The following CADPS2 variants were observed in gnomAD, a reference collection of about 807,000 sequenced individuals.
CADPS2 encodes calcium dependent secretion activator 2.
Under a neutral mutation model 172.5 loss-of-function variants are expected in CADPS2, and 93 were observed. That is an observed-to-expected ratio of 0.54 (90% CI 0.46 to 0.64). The LOEUF is 0.64. Among genes scored for constraint, CADPS2 ranks in the 30% least tolerant of loss-of-function variants. CADPS2 has a pLI of 0.00. For synonymous variants in CADPS2, 546 were observed against 555.2 expected, an observed-to-expected ratio of 0.98 and a Z score of 0.23; for missense variants, 1,420 against 1,565.9, an observed-to-expected ratio of 0.91 and a Z score of 1.57.
chr7:122,703,777 T>C (rs1476602703), intron 2 of CADPS2, among the ~76,000 whole-genome samples: 9 of 151,980 alleles, frequency 5.9e-5, no homozygotes, highest in Non-Finnish European at 1.2e-4. Context: ...CAAAAGAAGA[T>C]AGTGGCTTGG....
intron 27 of CADPS2, among the ~76,000 whole-genome samples, chr7:122,349,746 C>G (rs2038243539): frequency 6.6e-6 from 1 of 152,096 alleles, no homozygotes; most frequent in African/African-American, 2.4e-5. Flanking sequence ...GATGAACACG[C>G]TGTTTAAAGA....
chr7:122,854,001 T>C (rs970680142), intron 1 of CADPS2, among the ~76,000 whole-genome samples: 8 of 152,134 alleles, frequency 5.3e-5, no homozygotes, highest in Non-Finnish European at 1.2e-4. Flanking sequence ...CCTACAGCAA[T>C]TCGTTAACAC....
intron 6 of CADPS2, among the ~76,000 whole-genome samples, chr7:122,613,281 T>C (rs6946973): frequency 6.6e-6 from 1 of 152,088 alleles, no homozygotes; most frequent in East Asian, 1.9e-4. Flanking sequence ...ATATATGATG[T>C]GGGCCTAGTA....
At chr7:122,465,614 G>A (rs917341020) in intron 14 of CADPS2, among the ~76,000 whole-genome samples, 5 of 152,170 alleles carry the variant, frequency 3.3e-5, no homozygotes, top group African/African-American at 1.2e-4. Context: ...ATGATCTGAG[G>A]TGGAACAGTT....
chr7:122,827,348 T>C (rs1210935045), intron 1 of CADPS2, among the ~76,000 whole-genome samples: 1 of 152,064 alleles, frequency 6.6e-6, no homozygotes, highest in Non-Finnish European at 1.5e-5. Context: ...AAAATTCTAG[T>C]AAATATTTAA....
chr7:122,778,498 T>C (rs2093951971), intron 1 of CADPS2, among the ~76,000 whole-genome samples: 1 of 152,180 alleles, frequency 6.6e-6, no homozygotes, highest in Non-Finnish European at 1.5e-5. Context: ...CTCCAGGGCA[T>C]ATCAGATACC....
In CADPS2 at chr7:122,756,279, A is replaced by C. The variant is rs996204886; in HGVS notation, c.340-19211T>G. ...TGAATTCAAAACAAAAATCCAACTT[A>C]GAAAAAATCAAATGTTGCTTAGTTA... On this transcript the variant is annotated intron_variant, in intron 1 of 29. Coordinates refer to ENST00000449022, the MANE Select transcript of CADPS2 (RefSeq NM_017954.11). Among the ~76,000 whole-genome samples the C allele has an allele frequency of 4.6e-5, 7 of 152,218 alleles. No homozygotes were observed. In the East Asian group the frequency reaches 1.2e-3, roughly 25 times the overall value.
At chr7:122,381,664 T>C (rs1462356623) in intron 24 of CADPS2, among the ~76,000 whole-genome samples, 2 of 152,086 alleles carry the variant, frequency 1.3e-5, no homozygotes, top group African/African-American at 4.8e-5. Context: ...CTAGGAACCA[T>C]TAAATTCTCC....
chr7:122,775,196 T>C (rs920287581), intron 1 of CADPS2, among the ~76,000 whole-genome samples: 1 of 152,218 alleles, frequency 6.6e-6, no homozygotes, highest in Non-Finnish European at 1.5e-5. Context: ...CAGCACAATG[T>C]TTGTGAAGAG....
chr7:122,634,682 A>T (rs2076893681), intron 3 of CADPS2, among the ~76,000 whole-genome samples: 1 of 151,978 alleles, frequency 6.6e-6, no homozygotes, highest in Non-Finnish European at 1.5e-5. Flanking sequence ...TGCTGATTTT[A>T]GTTATTTCTT....
intron 2 of CADPS2, among the ~76,000 whole-genome samples, chr7:122,687,744 TATAAC>T (rs1221617206): frequency 2.0e-5 from 3 of 152,168 alleles, no homozygotes; most frequent in African/African-American, 4.8e-5. Flanking sequence ...AAAAATATCT[TATAAC>T]ATAGTACATA....
chr7:122,446,387 T>C (rs1485961589), intron 15 of CADPS2, among the ~76,000 whole-genome samples: 2 of 152,190 alleles, frequency 1.3e-5, no homozygotes, highest in Non-Finnish European at 2.9e-5. Flanking sequence ...TGGAAACAGT[T>C]TGGCCTATTT....
At chr7:122,805,617 A>C (rs1052955473) in intron 1 of CADPS2, among the ~76,000 whole-genome samples, 9 of 152,152 alleles carry the variant, frequency 5.9e-5, no homozygotes, top group Non-Finnish European at 1.0e-4. Flanking sequence ...CCTTCTCTTT[A>C]ATTCAGACAT....
chr7:122,762,205 AAAG>A (rs1361698783), intron 1 of CADPS2, among the ~76,000 whole-genome samples: 3 of 151,878 alleles, frequency 2.0e-5, no homozygotes, highest in Non-Finnish European at 2.9e-5. Flanking sequence ...GATAGAGAAA[AAAG>A]AAGAAGACAG....
intron 1 of CADPS2, among the ~76,000 whole-genome samples, chr7:122,783,069 G>A (rs1056166732): frequency 4.6e-5 from 7 of 151,728 alleles, no homozygotes; most frequent in South Asian, 4.2e-4. Context: ...AAAATTAGCC[G>A]GGCGTGGTGG....
chr7:122,571,290 A>G (rs1214524520), intron 7 of CADPS2, among the ~76,000 whole-genome samples: 1 of 152,166 alleles, frequency 6.6e-6, no homozygotes, highest in Non-Finnish European at 1.5e-5. Context: ...ATAATGAAAT[A>G]ACAATATATA....
At position 122,621,749 on chromosome 7, in the gene CADPS2, CA is replaced by C. The variant is rs1563881565; in HGVS notation, c.868-33del. ...AATAATTTTTAAAATAATAGTGTTA[CA>C]TAAGTCATATTTCAATTTTATCATA... On this transcript the variant is annotated intron_variant, in intron 4 of 29. Coordinates refer to ENST00000449022, the MANE Select transcript of CADPS2 (RefSeq NM_017954.11). 4 of 1,212,604 alleles carry C rather than the reference CA, an allele frequency of 3.3e-6. No individual in the cohort carries two copies. In the East Asian group the frequency reaches 9.8e-5, roughly 30 times the overall value. 75.1% of individuals were successfully genotyped at this position (1,212,604 alleles called of 1,614,324 possible). A position where few individuals can be genotyped will look rare whatever the true frequency, so the allele number is the denominator to read the frequency against.
intron 3 of CADPS2, among the ~76,000 whole-genome samples, chr7:122,649,469 T>C (rs1393460709): frequency 1.3e-5 from 2 of 152,090 alleles, no homozygotes; most frequent in East Asian, 3.9e-4. Context: ...GGTCCTCAAT[T>C]CTCACTGTGC....
chr7:122,783,716 G>A (rs1194254862), intron 1 of CADPS2, among the ~76,000 whole-genome samples: 2 of 152,148 alleles, frequency 1.3e-5, no homozygotes, highest in Non-Finnish European at 2.9e-5. Flanking sequence ...AACCATTAGA[G>A]GATAATTGAC....
Sources: allele counts gnomAD v4.1 joint callset (sites outside exome capture counted in the v4.1 genomes callset), GRCh38; gene constraint gnomAD v4.1.1; transcripts MANE v1.5; gene names NCBI Gene and HGNC (gene_info 2026-07-23, HGNC 2026-07-21).